The following GAB2 variants were observed in gnomAD, a reference collection of about 807,000 sequenced individuals.
GAB2 encodes the protein GRB2-associated-binding protein 2.
In GAB2, 26 loss-of-function variants were observed where a neutral mutation model predicts 65.5. The observed-to-expected ratio is 0.40, with a 90% CI of 0.29 to 0.55. The LOEUF is 0.55. GAB2 is among the 20% of genes least tolerant of loss of function. The probability of loss-of-function intolerance (pLI) is 0.53; values close to 1 mark genes in which losing one functional copy is unlikely to be tolerated. For synonymous variants in GAB2, 321 were observed against 329.6 expected (o/e 0.97, Z 0.28); for missense variants, 884 against 875.8 (o/e 1.01, Z -0.12).
intron 9 of GAB2, 79 bp downstream of exon 9, chr11:78,220,240 G>C (rs1864353132): frequency 6.6e-7 from 1 of 1,512,582 alleles, no homozygotes; most frequent in Admixed American, 1.7e-5. Context: ...GTTCAGTGTT[G>C]AAGGCACCCT....
intron 1 of GAB2, among the ~76,000 whole-genome samples, chr11:78,416,814 C>T (rs2135106555): frequency 1.3e-5 from 2 of 151,646 alleles, no homozygotes; most frequent in South Asian, 4.2e-4. Flanking sequence ...AACTCCACGG[C>T]TCAGCGCCAC....
At chr11:78,263,894 T>C (rs1865803076) in intron 2 of GAB2, among the ~76,000 whole-genome samples, 1 of 139,854 alleles carries the variant, frequency 7.2e-6, no homozygotes. Flanking sequence ...GTCAGTCTCC[T>C]GTCAATTTTT....
chr11:78,398,021 T>TACACACAC (rs1554999817), intron 1 of GAB2, among the ~76,000 whole-genome samples: 2 of 112,480 alleles, frequency 1.8e-5, no homozygotes, highest in Admixed American at 9.7e-5. Flanking sequence ...TGTGAATAGC[T>TACACACAC]ACACACACAC....
intron 1 of GAB2, among the ~76,000 whole-genome samples, chr11:78,374,564 T>TTC (rs1856610002): frequency 6.6e-6 from 1 of 152,338 alleles, no homozygotes; most frequent in South Asian, 2.1e-4. Flanking sequence ...TATAAAATAA[T>TTC]GATTCAAATA....
At chr11:78,296,450 A>G (rs1341960768) in intron 1 of GAB2, among the ~76,000 whole-genome samples, 1 of 151,948 alleles carries the variant, frequency 6.6e-6, no homozygotes, top group African/African-American at 2.4e-5. Context: ...CTTATCTAAT[A>G]CATGTATTTT....
At chr11:78,278,461 A>T (rs555556584) in intron 2 of GAB2, among the ~76,000 whole-genome samples, 10 of 147,560 alleles carry the variant, frequency 6.8e-5, no homozygotes, top group Admixed American at 4.1e-4. Context: ...TGTCTCTGCA[A>T]CCTCTGCCTC....
chr11:78,351,476 T>G (rs1406464609), intron 1 of GAB2, among the ~76,000 whole-genome samples: 1 of 152,152 alleles, frequency 6.6e-6, no homozygotes, highest in Non-Finnish European at 1.5e-5. Flanking sequence ...CAGCCTGGGA[T>G]TCATGGTACT....
intron 5 of GAB2, among the ~76,000 whole-genome samples, chr11:78,224,089 AAAAAAT>A (rs1864550001): frequency 6.6e-6 from 1 of 152,154 alleles, no homozygotes; most frequent in Non-Finnish European, 1.5e-5. Context: ...TTCAAAAAAT[AAAAAAT>A]AAAAAAAAGG....
intron 3 of GAB2, among the ~76,000 whole-genome samples, chr11:78,230,295 G>A (rs1363086520): frequency 1.3e-5 from 2 of 152,112 alleles, no homozygotes; most frequent in Admixed American, 6.6e-5. Flanking sequence ...CTCCTGTCTC[G>A]CTCACAGAAC....
At chr11:78,340,010 T>C (rs1856066599) in intron 1 of GAB2, among the ~76,000 whole-genome samples, 1 of 152,206 alleles carries the variant, frequency 6.6e-6, no homozygotes, top group Non-Finnish European at 1.5e-5. Context: ...GAGAAAATTG[T>C]TTTTTAAATG....
chr11:78,318,249 G>C (rs1855651476), intron 1 of GAB2: 1 of 151,694 alleles, frequency 6.6e-6, no homozygotes, highest in African/African-American at 2.4e-5. Context: ...AGGGCTATCA[G>C]GAGGAGGGAC....
intron 1 of GAB2, among the ~76,000 whole-genome samples, chr11:78,347,403 A>G (rs1856209108): frequency 6.6e-6 from 1 of 152,220 alleles, no homozygotes; most frequent in Admixed American, 6.5e-5. Flanking sequence ...TGCCAACATA[A>G]TAAGGTAGAA....
In GAB2 at chr11:78,307,604, TAG is replaced by T. The variant is rs59402607; in HGVS notation, c.76-26705_76-26704del. Among the ~76,000 whole-genome samples the T allele has an allele frequency of 2.8e-3, 338 of 121,472 alleles. 1 individual carries two copies. Among genetic ancestry groups the T allele is most frequent in the Middle Eastern group, 3.9e-3 (1 of 256 alleles). The allele number at this position is 121,472 out of a possible 152,430, so 79.7% of individuals were successfully genotyped here. The stretch of plus-strand genomic sequence containing the variant: ...GAGATCCCATCTCTACAAAAAATGT[TAG>T]AGAGAGAGAGAGAGAGAGAGAGAGA... On this transcript the variant is annotated intron_variant, in intron 1 of 9. Transcript: ENST00000361507.
Position 78,373,034 on chromosome 11 carries a change from C to T in GAB2, c.75+44612G>A, listed in dbSNP as rs557257991. Among the ~76,000 whole-genome samples the T allele has an allele frequency of 3.6e-4, 55 of 152,144 alleles. 1 individual carries two copies. Among genetic ancestry groups the T allele is most frequent in the African/African-American group, 1.3e-3 (52 of 41,502 alleles). ...GACTTACCACTGGGCAAGCAGACTA[C>T]CTGAGGGACAGATATTACCAAGGGA... On this transcript the variant is annotated intron_variant, in intron 1 of 9. Transcript: ENST00000361507.
rs570741952 is a variant in GAB2 at position 78,220,303 on chromosome 11, A to G, written c.1887+16T>C. Reference sequence around the variant, plus strand: ...CCTGAGAGCTCTTACTGCCCCCCCAACTCTACTCCAGGCACCTTGCGGTGG... The same window carrying G: ...CCTGAGAGCTCTTACTGCCCCCCCAGCTCTACTCCAGGCACCTTGCGGTGG... On this transcript the variant is annotated intron_variant, in intron 9 of 9. Transcript: ENST00000361507. 6.2e-6 allele frequency: 10 copies of G among 1,611,364 alleles called. No individual in the cohort carries two copies. The highest frequency in any genetic ancestry group is 1.7e-5 in the Admixed American group (1 of 59,892).
At position 78,219,323 on chromosome 11, in the gene GAB2, C is replaced by T. The variant is rs1419647842; in HGVS notation, c.1980G>A (p.Glu660=). 1.9e-6 allele frequency: 3 copies of T among 1,613,864 alleles called. No homozygotes were observed. Among genetic ancestry groups the T allele is most frequent in the East Asian group, 2.2e-5 (1 of 44,876 alleles). Residue 660 remains glutamate, a synonymous_variant, in exon 10 of 10, where the codon GAG becomes GAA. Transcript: ENST00000361507. ...KTQALQNTMQ[E]WTDVRQSSEP... ...CTGAGGACTGCCGCACGTCTGTCCA[C>T]TCCTGCATGGTGTTCTGCAGGGCCT... is the stretch of plus-strand genomic sequence containing the variant.
intron 1 of GAB2, among the ~76,000 whole-genome samples, chr11:78,326,042 T>C (rs1486977057): frequency 1.3e-5 from 2 of 152,236 alleles, no homozygotes; most frequent in African/African-American, 4.8e-5. Flanking sequence ...ATCTTGTGTT[T>C]CATTTCACAG....
chr11:78,343,337 G>A (rs375758780), intron 1 of GAB2, among the ~76,000 whole-genome samples: 1 of 135,852 alleles, frequency 7.4e-6, no homozygotes, highest in Admixed American at 8.1e-5. Flanking sequence ...CAAAGAAGTG[G>A]CAATGTAGTA....
chr11:78,260,198 C>A (rs1001937389), intron 2 of GAB2, among the ~76,000 whole-genome samples: 1 of 152,208 alleles, frequency 6.6e-6, no homozygotes, highest in African/African-American at 2.4e-5. Context: ...ATTCCCCATC[C>A]CCCTTCCAAG....
Sources: allele counts gnomAD v4.1 joint callset (sites outside exome capture counted in the v4.1 genomes callset), GRCh38; gene constraint gnomAD v4.1.1; transcripts MANE v1.5; gene names NCBI Gene and HGNC (gene_info 2026-07-23, HGNC 2026-07-21).